Variants in DPP10 observed in about 807,000 individuals in gnomAD.
The protein encoded by DPP10 is dipeptidyl peptidase like 10.
In DPP10, 33 loss-of-function variants were observed where a neutral mutation model predicts 120.9. The observed-to-expected ratio is 0.27, with a 90% CI of 0.21 to 0.37. The LOEUF is 0.37. Ranked by LOEUF, DPP10 falls within the 10% of genes least tolerant of loss-of-function variation. The probability of loss-of-function intolerance (pLI) is 1.00; values close to 1 mark genes in which losing one functional copy is unlikely to be tolerated. For missense variants in DPP10, 816 were observed against 942.8 expected (o/e 0.87, Z 1.76); for synonymous variants, 337 against 326.1 (o/e 1.03, Z -0.36).
At chr2:115,133,678 A>G (rs960539636) in intron 1 of DPP10, among the ~76,000 whole-genome samples, 5 of 152,130 alleles carry the variant, frequency 3.3e-5, no homozygotes, top group African/African-American at 1.2e-4. Flanking sequence ...GAGGAAGTAA[A>G]GCTTTGCCTG....
At chr2:114,477,915 ATGTGTATATATGTACATATG>A (rs1321029947) in intron 1 of DPP10, among the ~76,000 whole-genome samples, 31 of 150,712 alleles carry the variant, frequency 2.1e-4, no homozygotes, top group African/African-American at 7.6e-4. Flanking sequence ...ATGTACATAT[ATGTGTATATATGTACATATG>A]TGTATATATG....
At chr2:114,877,278 C>T (rs530678453) in intron 1 of DPP10, among the ~76,000 whole-genome samples, 3 of 152,152 alleles carry the variant, frequency 2.0e-5, no homozygotes, top group African/African-American at 7.2e-5. Context: ...AAGGCTTATC[C>T]TATCTTTCTT....
intron 1 of DPP10, among the ~76,000 whole-genome samples, chr2:115,176,502 C>G (rs2053701407): frequency 1.3e-5 from 2 of 151,814 alleles, no homozygotes; most frequent in South Asian, 4.2e-4. Context: ...GTAGTAAATG[C>G]AGAAGTTGTC....
At position 115,476,261 on chromosome 2, in the gene DPP10, A is replaced by T. The variant is rs148328167; in HGVS notation, c.272-23249A>T. 1.8e-4 allele frequency among the ~76,000 whole-genome samples: 28 copies of T among 152,108 alleles called. 1 individual carries two copies. In the East Asian group the frequency reaches 5.4e-3, roughly 29 times the overall value. ...GTGATAATGAGTGAGTTCTCATGAGATCTGATGTTTTAAAAGCGTGTGGTA... is the reference window on the plus strand; with the variant it reads ...GTGATAATGAGTGAGTTCTCATGAGTTCTGATGTTTTAAAAGCGTGTGGTA... On this transcript the variant is annotated intron_variant, in intron 3 of 25. Coordinates refer to ENST00000410059, the MANE Select transcript of DPP10 (RefSeq NM_020868.6).
intron 1 of DPP10, among the ~76,000 whole-genome samples, chr2:114,582,189 T>C (rs986811570): frequency 1.3e-5 from 2 of 152,228 alleles, no homozygotes; most frequent in African/African-American, 4.8e-5. Context: ...TTCCAGAATG[T>C]CATATAGTTG....
At chr2:115,657,404 A>G (rs1041902904) in intron 5 of DPP10, among the ~76,000 whole-genome samples, 1 of 151,756 alleles carries the variant, frequency 6.6e-6, no homozygotes, top group African/African-American at 2.4e-5. Flanking sequence ...ACAAAAATAC[A>G]TTTCTTTTAA....
intron 1 of DPP10, among the ~76,000 whole-genome samples, chr2:114,611,624 A>C (rs1693296187): frequency 6.6e-6 from 1 of 152,232 alleles, no homozygotes; most frequent in Non-Finnish European, 1.5e-5. Context: ...TACATTTGAA[A>C]AACAACTTTT....
intron 3 of DPP10, among the ~76,000 whole-genome samples, chr2:115,453,177 T>G (rs1009102452): frequency 6.6e-6 from 1 of 151,550 alleles, no homozygotes; most frequent in Non-Finnish European, 1.5e-5. Context: ...AAAGATATTC[T>G]TGAGTAGTTA....
intron 5 of DPP10, among the ~76,000 whole-genome samples, chr2:115,649,872 C>A (rs1415929281): frequency 1.3e-5 from 2 of 152,100 alleles, no homozygotes. Context: ...ATTCTCTCTA[C>A]ATTTAATACC....
At chr2:114,536,053 C>T (rs2104769839) in intron 1 of DPP10, among the ~76,000 whole-genome samples, 1 of 152,220 alleles carries the variant, frequency 6.6e-6, no homozygotes, top group South Asian at 2.1e-4. Flanking sequence ...CTCTAGGAAT[C>T]TCTCACCAGC....
At chr2:115,689,770 G>A (rs1249979771) in intron 6 of DPP10, 31 bp downstream of exon 6, 3 of 1,606,464 alleles carry the variant, frequency 1.9e-6, no homozygotes, top group South Asian at 1.1e-5. Context: ...GTTTTCATGA[G>A]CAATTGTGTT....
chr2:115,479,404 G>T (rs2075292016), intron 3 of DPP10, among the ~76,000 whole-genome samples: 1 of 152,106 alleles, frequency 6.6e-6, no homozygotes, highest in South Asian at 2.1e-4. Flanking sequence ...TCCAAGAAGT[G>T]CAGTAAGGAA....
intron 1 of DPP10, among the ~76,000 whole-genome samples, chr2:115,026,605 G>C (rs527430281): frequency 6.6e-6 from 1 of 151,916 alleles, no homozygotes; most frequent in Non-Finnish European, 1.5e-5. Context: ...GTGCCATCTC[G>C]GCTCATTGCA....
intron 2 of DPP10, among the ~76,000 whole-genome samples, chr2:115,310,475 C>A (rs1332274346): frequency 6.6e-6 from 1 of 151,802 alleles, no homozygotes; most frequent in Non-Finnish European, 1.5e-5. Context: ...AAATAAACTG[C>A]CAAAAATGCA....
At chr2:115,618,563 T>G (rs2149272981) in intron 5 of DPP10, among the ~76,000 whole-genome samples, 1 of 152,360 alleles carries the variant, frequency 6.6e-6, no homozygotes, top group South Asian at 2.1e-4. Flanking sequence ...TTGGTATCAC[T>G]TGTCTTACTA....
intron 7 of DPP10, among the ~76,000 whole-genome samples, chr2:115,707,403 TAAG>T (rs995004777): frequency 2.2e-5 from 3 of 138,756 alleles, no homozygotes; most frequent in African/African-American, 8.3e-5. Context: ...AGGAATTAAG[TAAG>T]AAACAAACAA....
At chr2:115,121,846 A>C (rs1023376756) in intron 1 of DPP10, among the ~76,000 whole-genome samples, 8 of 152,162 alleles carry the variant, frequency 5.3e-5, no homozygotes, top group African/African-American at 1.9e-4. Context: ...TTTCTTGTAT[A>C]GGGGCACTGG....
chr2:114,749,412 A>G (rs184962965), intron 1 of DPP10, among the ~76,000 whole-genome samples: 18 of 152,040 alleles, frequency 1.2e-4, no homozygotes, highest in Admixed American at 8.5e-4. Flanking sequence ...CTTTACTTCT[A>G]TGTTTTCACC....
At chr2:114,722,610 A>G (rs930863461) in intron 1 of DPP10, among the ~76,000 whole-genome samples, 1 of 151,808 alleles carries the variant, frequency 6.6e-6, no homozygotes, top group Non-Finnish European at 1.5e-5. Flanking sequence ...CCCCGTCTCT[A>G]CTAAAAATAC....
Sources: allele counts gnomAD v4.1 joint callset (sites outside exome capture counted in the v4.1 genomes callset), GRCh38; gene constraint gnomAD v4.1.1; transcripts MANE v1.5; gene names NCBI Gene and HGNC (gene_info 2026-07-23, HGNC 2026-07-21).